The following NT5DC1 variants were observed in gnomAD, a reference collection of about 807,000 sequenced individuals.
NT5DC1 encodes the protein 5'-nucleotidase domain containing 1.
In NT5DC1, 42 loss-of-function variants were observed where a neutral mutation model predicts 59.4. The ratio of observed to expected loss-of-function variants is 0.71; its 90% CI spans 0.55 to 0.92. The LOEUF (loss-of-function observed/expected upper bound fraction) is 0.92. Among genes scored for constraint, NT5DC1 ranks in the 40% least tolerant of loss-of-function variants. The pLI is 0.00. For missense variants in NT5DC1, 501 were observed against 537.1 expected (o/e 0.93, Z 0.66); for synonymous variants, 172 against 188.1 (o/e 0.91, Z 0.70).
chr6:116,107,619 C>T (rs977598738), intron 2 of NT5DC1, among the ~76,000 whole-genome samples: 1 of 150,918 alleles, frequency 6.6e-6, no homozygotes, highest in Non-Finnish European at 1.5e-5. Context: ...GTCGCCCAGG[C>T]TGGAGTGCAG....
intron 6 of NT5DC1, chr6:116,121,505 A>T (rs578248225): frequency 6.2e-7 from 1 of 1,614,092 alleles, no homozygotes; most frequent in Admixed American, 1.7e-5. Flanking sequence ...AGGGCCTGGA[A>T]GACCCCTCTC....
At chr6:116,146,020 A>C (rs1344019273) in intron 6 of NT5DC1, among the ~76,000 whole-genome samples, 2 of 152,248 alleles carry the variant, frequency 1.3e-5, no homozygotes, top group African/African-American at 4.8e-5. Flanking sequence ...CCACAGAAGT[A>C]AAAGGATGTC....
intron 6 of NT5DC1, among the ~76,000 whole-genome samples, chr6:116,162,248 C>A (rs889779320): frequency 3.3e-5 from 5 of 152,162 alleles, no homozygotes; most frequent in South Asian, 2.1e-4. Context: ...TTCCACTTTT[C>A]CGATTTGGAT....
At chr6:116,227,145 C>T (rs1781926360) in intron 8 of NT5DC1, among the ~76,000 whole-genome samples, 1 of 152,126 alleles carries the variant, frequency 6.6e-6, no homozygotes, top group Non-Finnish European at 1.5e-5. Flanking sequence ...TACCCCTAGC[C>T]TCACATAACC....
intron 7 of NT5DC1, among the ~76,000 whole-genome samples, chr6:116,222,010 T>C (rs1781818475): frequency 6.6e-6 from 1 of 152,316 alleles, no homozygotes; most frequent in African/African-American, 2.4e-5. Flanking sequence ...AAATACCGAA[T>C]TGCCATGAGT....
intron 1 of NT5DC1, among the ~76,000 whole-genome samples, chr6:116,105,213 G>A (rs1175425755): frequency 6.6e-6 from 1 of 152,074 alleles, no homozygotes; most frequent in African/African-American, 2.4e-5. Flanking sequence ...CCAGCTGTGT[G>A]CAGGCCCCTC....
At chr6:116,162,403 G>A (rs1216619806) in intron 6 of NT5DC1, among the ~76,000 whole-genome samples, 1 of 152,102 alleles carries the variant, frequency 6.6e-6, no homozygotes, top group East Asian at 1.9e-4. Context: ...TATGATGTTG[G>A]CTGTGGCTTT....
intron 6 of NT5DC1, among the ~76,000 whole-genome samples, chr6:116,210,745 AAAAT>A (rs34408029): frequency 0.19 from 29,533 of 151,998 alleles, 3,767 homozygotes; most frequent in Middle Eastern, 0.34. Context: ...GAAATGTTTT[AAAAT>A]AAATGTTAAT....
intron 6 of NT5DC1, among the ~76,000 whole-genome samples, chr6:116,182,278 C>T (rs1300707387): frequency 2.2e-5 from 3 of 138,846 alleles, no homozygotes; most frequent in Non-Finnish European, 4.6e-5. Context: ...TTTCTTTATC[C>T]ACTCTTTGAT....
intron 6 of NT5DC1, among the ~76,000 whole-genome samples, chr6:116,126,764 A>T (rs1779325296): frequency 6.6e-6 from 1 of 152,108 alleles, no homozygotes; most frequent in South Asian, 2.1e-4. Flanking sequence ...AAAACCCCTT[A>T]ATTTGATAAT....
At chr6:116,205,644 G>A (rs1371573465) in intron 6 of NT5DC1, among the ~76,000 whole-genome samples, 1 of 151,894 alleles carries the variant, frequency 6.6e-6, no homozygotes, top group Admixed American at 6.6e-5. Context: ...ATTTCTTTAA[G>A]AATAAACCAG....
chr6:116,107,864 G>A (rs867752847), intron 2 of NT5DC1, among the ~76,000 whole-genome samples: 4 of 152,094 alleles, frequency 2.6e-5, no homozygotes, highest in Admixed American at 6.6e-5. Context: ...GAGCCACCGC[G>A]CCTGGCCATA....
At chr6:116,235,035 GTTT>G (rs60150533) in intron 8 of NT5DC1, among the ~76,000 whole-genome samples, 2,657 of 131,800 alleles carry the variant, frequency 0.02, 50 homozygotes, top group South Asian at 0.051. Context: ...CTTGATTTGG[GTTT>G]TTTTTTTTTT....
At position 116,213,464 on chromosome 6, in the gene NT5DC1, C is replaced by G. The variant is rs149573384; in HGVS notation, c.530-7590C>G. Among the ~76,000 whole-genome samples the G allele has an allele frequency of 3.3e-3, 501 of 152,132 alleles. 9 individuals are homozygous for G. The highest frequency in any genetic ancestry group is 1.0e-3 in the Non-Finnish European group (71 of 67,976). ...CTGCCAGGCCATTTAAGGGCTACAC[C>G]TGGAACTAACACAGGGTCATTCGCA... On this transcript the variant is annotated intron_variant, in intron 6 of 11. Coordinates refer to ENST00000319550, the MANE Select transcript of NT5DC1 (RefSeq NM_152729.3).
chr6:116,118,844 A>G (rs1931897), intron 6 of NT5DC1: 2 of 151,994 alleles, frequency 1.3e-5, no homozygotes, highest in African/African-American at 2.4e-5. Flanking sequence ...ACAGTCAACA[A>G]TGAGTGGTTG....
At chr6:116,137,286 C>T (rs1286837026) in intron 6 of NT5DC1, 1 of 156,814 alleles carries the variant, frequency 6.4e-6, no homozygotes, top group East Asian at 1.7e-4. Context: ...CTGCTGTGCT[C>T]CAGGTTTTAT....
intron 6 of NT5DC1, among the ~76,000 whole-genome samples, chr6:116,136,349 G>C (rs540845871): frequency 6.6e-6 from 1 of 152,054 alleles, no homozygotes; most frequent in South Asian, 2.1e-4. Flanking sequence ...AAAGGACAAG[G>C]GGGCTGACAC....
intron 6 of NT5DC1, among the ~76,000 whole-genome samples, chr6:116,172,361 G>T (rs375939554): frequency 8.8e-6 from 1 of 113,796 alleles, no homozygotes; most frequent in East Asian, 2.6e-4. Context: ...TCGCTCTGTT[G>T]CCCAGGCTGG....
chr6:116,141,926 A>ACACACT (rs1209383390), intron 6 of NT5DC1, among the ~76,000 whole-genome samples: 6 of 148,808 alleles, frequency 4.0e-5, no homozygotes, highest in African/African-American at 1.5e-4. Context: ...ACACACACAC[A>ACACACT]CTGTAAATGT....
Sources: gnomAD v4.1 joint callset for allele counts (sites outside exome capture counted in the v4.1 genomes callset) on GRCh38, gnomAD v4.1.1 for gene constraint, MANE v1.5 for transcripts, NCBI Gene and HGNC (gene_info 2026-07-23, HGNC 2026-07-21) for gene names.